Variants in PDE1A observed in about 807,000 individuals in gnomAD.
The protein encoded by PDE1A is phosphodiesterase 1A, also known as dual specificity calcium/calmodulin-dependent 3',5'-cyclic nucleotide phosphodiesterase 1A.
In PDE1A, 35 loss-of-function variants were observed where a neutral mutation model predicts 61.7. That is an observed-to-expected ratio of 0.57 (90% CI 0.43 to 0.75). The LOEUF is 0.75. Ranked by LOEUF, PDE1A falls within the 30% of genes least tolerant of loss-of-function variation. The probability of loss-of-function intolerance (pLI) is 0.00; values close to 1 mark genes in which losing one functional copy is unlikely to be tolerated. For synonymous variants in PDE1A, 232 were observed against 213.2 expected, an observed-to-expected ratio of 1.09 and a Z score of -0.77; for missense variants, 597 against 630.6, an observed-to-expected ratio of 0.95 and a Z score of 0.57.
intron 1 of PDE1A, among the ~76,000 whole-genome samples, chr2:182,321,791 C>T (rs1254887212): frequency 6.6e-6 from 1 of 152,138 alleles, no homozygotes; most frequent in South Asian, 2.1e-4. Context: ...ATTGCCCCTT[C>T]TCTCCTCATA....
chr2:182,584,471 T>G, the PDE1A span, among the ~76,000 whole-genome samples: 1 of 152,218 alleles, frequency 6.6e-6, no homozygotes, highest in East Asian at 1.9e-4. Context: ...AACTTAAAGA[T>G]TCAGATTCCC....
intron 3 of PDE1A, among the ~76,000 whole-genome samples, chr2:182,238,513 G>A (rs910337068): frequency 1.3e-5 from 2 of 152,070 alleles, no homozygotes; most frequent in African/African-American, 2.4e-5. Flanking sequence ...GCTTGCCAGG[G>A]AATTGAATCT....
At chr2:182,219,821 T>C (rs1688568350) in intron 7 of PDE1A, among the ~76,000 whole-genome samples, 2 of 152,098 alleles carry the variant, frequency 1.3e-5, no homozygotes, top group Non-Finnish European at 2.9e-5. Flanking sequence ...TGGATAGCTA[T>C]GTGAGATGAT....
rs765243376 is a variant in PDE1A, at chr2:182,186,075, T to C, written c.1333A>G (p.Thr445Ala). 1.4e-5 allele frequency: 23 copies of C among 1,613,344 alleles called. No individual in the cohort carries two copies. Among genetic ancestry groups the C allele is most frequent in the South Asian group, 9.9e-5 (9 of 91,076 alleles). The change falls in exon 13 of 14, where the codon ACC (threonine) becomes GCC (alanine). Residue 445 changes from threonine to alanine, a missense_variant. Physicochemically the swap from Thr to Ala is moderately conservative, Grantham distance 58. Coordinates refer to ENST00000351439, the Ensembl canonical transcript of PDE1A. Reference sequence around the variant, plus strand: ...GCAATGTGTAACCCCACAATGGTGGTTGAGCTAACAGTAACAACCAAAGAA... The same window carrying C: ...GCAATGTGTAACCCCACAATGGTGGCTGAGCTAACAGTAACAACCAAAGAA...
At chr2:182,618,618 T>C in the PDE1A span, among the ~76,000 whole-genome samples, 1 of 152,160 alleles carries the variant, frequency 6.6e-6, no homozygotes, top group Non-Finnish European at 1.5e-5. Context: ...AAAATAGAAT[T>C]GACAGTTTTC....
intron 2 of PDE1A, among the ~76,000 whole-genome samples, chr2:182,260,434 C>A (rs940356453): frequency 1.3e-5 from 2 of 152,180 alleles, no homozygotes; most frequent in African/African-American, 2.4e-5. Context: ...GACATCTCAA[C>A]AGAAACATCC....
At chr2:182,607,665 A>G in the PDE1A span, among the ~76,000 whole-genome samples, 3 of 152,240 alleles carry the variant, frequency 2.0e-5, no homozygotes, top group African/African-American at 7.2e-5. Flanking sequence ...TCAGGGGTCA[A>G]CTGCGTGTAA....
intron 2 of PDE1A, among the ~76,000 whole-genome samples, chr2:182,435,146 C>T (rs1213119859): frequency 6.6e-6 from 1 of 152,084 alleles, no homozygotes; most frequent in Non-Finnish European, 1.5e-5. Context: ...TATATGAAAA[C>T]ATCATCAACA....
downstream of PDE1A, chr2:182,142,559 G>A (rs545917928): frequency 1.3e-5 from 2 of 151,972 alleles, no homozygotes; most frequent in Admixed American, 6.6e-5. Context: ...AAAATAAGAA[G>A]GACAATCTAA....
chr2:182,291,523 AGGCTCTG>A (rs1304241756), intron 1 of PDE1A, among the ~76,000 whole-genome samples: 1 of 152,120 alleles, frequency 6.6e-6, no homozygotes, highest in Non-Finnish European at 1.5e-5. Flanking sequence ...CAACTCTTCA[AGGCTCTG>A]GTTGTAACTA....
At chr2:182,402,994 A>G (rs1702090660) in intron 1 of PDE1A, among the ~76,000 whole-genome samples, 1 of 152,068 alleles carries the variant, frequency 6.6e-6, no homozygotes, top group South Asian at 2.1e-4. Context: ...CGCCAGTTAG[A>G]ATGGCGACCA....
chr2:182,474,742 CCTGG>C (rs1317188124), intron 2 of PDE1A, among the ~76,000 whole-genome samples: 2 of 151,690 alleles, frequency 1.3e-5, no homozygotes, highest in Admixed American at 6.6e-5. Flanking sequence ...AATAAAACTC[CCTGG>C]CTTACTCTTT....
the PDE1A span, among the ~76,000 whole-genome samples, chr2:182,681,982 A>T: frequency 5.3e-5 from 8 of 152,178 alleles, no homozygotes; most frequent in Non-Finnish European, 1.2e-4. Context: ...GGCTGTTCTC[A>T]ACACAGTTTG....
At chr2:182,505,567 C>T (rs933114931) in intron 2 of PDE1A, among the ~76,000 whole-genome samples, 4 of 152,106 alleles carry the variant, frequency 2.6e-5, no homozygotes, top group African/African-American at 7.2e-5. Context: ...CTCACATGTC[C>T]GGTAGTTAAC....
chr2:182,447,331 T>C (rs1685209090), intron 2 of PDE1A, among the ~76,000 whole-genome samples: 1 of 152,038 alleles, frequency 6.6e-6, no homozygotes, highest in Non-Finnish European at 1.5e-5. Flanking sequence ...CGTATCAGAA[T>C]CTACTGAGAG....
chr2:182,264,611 T>C (rs1048262225), intron 1 of PDE1A, among the ~76,000 whole-genome samples, 197 bp from the exon 2 acceptor site: 4 of 151,880 alleles, frequency 2.6e-5, no homozygotes, highest in African/African-American at 9.7e-5. Context: ...TTAGGTATTA[T>C]ATTCAGCTCG....
At chr2:182,192,347 A>G (rs1224396803) in intron 10 of PDE1A, among the ~76,000 whole-genome samples, 1 of 152,134 alleles carries the variant, frequency 6.6e-6, no homozygotes, top group Non-Finnish European at 1.5e-5. Context: ...ATTGAATGCT[A>G]AAGTACATTA....
intron 7 of PDE1A, among the ~76,000 whole-genome samples, chr2:182,212,590 A>G: frequency 6.6e-6 from 1 of 152,226 alleles, no homozygotes; most frequent in Non-Finnish European, 1.5e-5. Context: ...AGGGCGAGGC[A>G]TTGCCTCACT....
At chr2:182,518,973 T>C (rs1690386311) in intron 2 of PDE1A, among the ~76,000 whole-genome samples, 1 of 151,982 alleles carries the variant, frequency 6.6e-6, no homozygotes, top group South Asian at 2.1e-4. Context: ...GAACTCTTTG[T>C]ATGTTTAGAG....
Sources: gnomAD v4.1 joint callset for allele counts (sites outside exome capture counted in the v4.1 genomes callset) on GRCh38, gnomAD v4.1.1 for gene constraint, MANE v1.5 for transcripts, NCBI Gene and HGNC (gene_info 2026-07-23, HGNC 2026-07-21) for gene names.